The following RPS6KC1 variants were observed in gnomAD, a reference collection of about 807,000 sequenced individuals.
The protein encoded by RPS6KC1 is inactive ribosomal protein S6 kinase delta-1.
A neutral mutation model predicts 103.8 loss-of-function variants in RPS6KC1; 54 were observed. That is an observed-to-expected ratio of 0.52 (90% CI 0.42 to 0.65). The LOEUF is 0.65. RPS6KC1 is among the 30% of genes least tolerant of loss of function. RPS6KC1 has a pLI of 0.00. For missense variants in RPS6KC1, 1,151 were observed against 1,253.8 expected (o/e 0.92, Z 1.24); for synonymous variants, 439 against 438.7 (o/e 1.00, Z -0.01).
At chr1:213,727,673 C>T in the RPS6KC1 span, among the ~76,000 whole-genome samples, 1 of 151,768 alleles carries the variant, frequency 6.6e-6, no homozygotes. Flanking sequence ...GGGAGGGGAC[C>T]AGGCCAGAAA....
chr1:213,072,858 C>G (rs1416815916), intron 2 of RPS6KC1: 2 of 722,296 alleles, frequency 2.8e-6, no homozygotes, highest in Non-Finnish European at 1.7e-6. Context: ...GCTTGATGTT[C>G]CCATTTTCCA....
At chr1:213,631,492 A>AT in the RPS6KC1 span, among the ~76,000 whole-genome samples, 2 of 152,114 alleles carry the variant, frequency 1.3e-5, no homozygotes, top group East Asian at 1.9e-4. Flanking sequence ...GATGTTTACA[A>AT]TTTTTTGTGA....
At chr1:213,660,053 G>GGT in the RPS6KC1 span, among the ~76,000 whole-genome samples, 1 of 152,206 alleles carries the variant, frequency 6.6e-6, no homozygotes. Context: ...AGCTGTCTCA[G>GGT]GTGTGGTGGC....
At chr1:213,279,691 G>T (rs1335208738), downstream of RPS6KC1, among the ~76,000 whole-genome samples, 1 of 152,126 alleles carries the variant, frequency 6.6e-6, no homozygotes, top group African/African-American at 2.4e-5. Context: ...TTAGCTCAGT[G>T]GTTCTCAAAA....
At chr1:213,156,647 G>T (rs74140568) in intron 6 of RPS6KC1, among the ~76,000 whole-genome samples, 1 of 152,118 alleles carries the variant, frequency 6.6e-6, no homozygotes, top group African/African-American at 2.4e-5. Context: ...ATCAGATTTC[G>T]TGTTGAAAAC....
chr1:213,121,763 GT>G (rs2148932494), intron 5 of RPS6KC1, among the ~76,000 whole-genome samples: 1 of 152,238 alleles, frequency 6.6e-6, no homozygotes, highest in African/African-American at 2.4e-5. Context: ...TCACTTTTCA[GT>G]TTGGGGAGGG....
At chr1:213,631,157 C>G in the RPS6KC1 span, among the ~76,000 whole-genome samples, 1 of 152,172 alleles carries the variant, frequency 6.6e-6, no homozygotes, top group South Asian at 2.1e-4. Flanking sequence ...TCTTGCACTT[C>G]CCTGGTGAGG....
chr1:213,132,691 C>T (rs962443219), intron 6 of RPS6KC1, among the ~76,000 whole-genome samples: 8 of 152,150 alleles, frequency 5.3e-5, no homozygotes, highest in Non-Finnish European at 8.8e-5. Context: ...GCCAGTAAAA[C>T]GTATGAATCA....
the RPS6KC1 span, among the ~76,000 whole-genome samples, chr1:213,595,722 T>G: frequency 3.0e-3 from 460 of 152,372 alleles, 11 homozygotes; most frequent in East Asian, 0.061. Context: ...GGAATCATAG[T>G]GAAGCTAGTG....
chr1:213,709,788 T>G, the RPS6KC1 span, among the ~76,000 whole-genome samples: 1 of 152,242 alleles, frequency 6.6e-6, no homozygotes, highest in Admixed American at 6.5e-5. Flanking sequence ...CCAGTAGTCA[T>G]TCAGGAGCCG....
chr1:213,299,428 TGTAATCC>T, the RPS6KC1 span, among the ~76,000 whole-genome samples: 3 of 151,780 alleles, frequency 2.0e-5, no homozygotes, highest in African/African-American at 7.3e-5. Flanking sequence ...GGTGCACACC[TGTAATCC>T]CAGCTACTTG....
the RPS6KC1 span, among the ~76,000 whole-genome samples, chr1:213,737,686 T>A: frequency 6.6e-6 from 1 of 152,198 alleles, no homozygotes; most frequent in Admixed American, 6.5e-5. Flanking sequence ...GGTTTCAGAC[T>A]GCATAAGGGA....
chr1:213,057,392 A>G (rs2077422955), intron 1 of RPS6KC1, among the ~76,000 whole-genome samples: 1 of 152,212 alleles, frequency 6.6e-6, no homozygotes, highest in South Asian at 2.1e-4. Context: ...ATTCTTTTGT[A>G]TAATTCTTTG....
rs778702495 is a variant in RPS6KC1, at chr1:213,117,423, A to C, written c.472+13A>C. 2 of 1,529,498 alleles carry C rather than the reference A, an allele frequency of 1.3e-6. No homozygotes were observed. The highest frequency in any genetic ancestry group is 1.8e-6 in the Non-Finnish European group (2 of 1,110,132). 94.7% of individuals were successfully genotyped at this position (1,529,498 alleles called of 1,614,324 possible). On this transcript the variant is annotated intron_variant, in intron 5 of 14. Coordinates refer to ENST00000366960, the MANE Select transcript of RPS6KC1 (RefSeq NM_012424.6). ...TGTAGTACGGAAGGTAAGAGATTTT[A>C]ATTTTTTTGCATTTCAAAGGTTTGG...
chr1:213,395,521 A>G, the RPS6KC1 span, among the ~76,000 whole-genome samples: 1 of 152,178 alleles, frequency 6.6e-6, no homozygotes, highest in African/African-American at 2.4e-5. Flanking sequence ...TTATGGTATA[A>G]GAAACTGGGC....
chr1:213,349,516 C>T, the RPS6KC1 span, among the ~76,000 whole-genome samples: 4 of 152,164 alleles, frequency 2.6e-5, no homozygotes, highest in African/African-American at 9.7e-5. Context: ...CACTTTGCAG[C>T]TTACTATAGT....
chr1:213,252,287 C>T (rs2094559630), intron 12 of RPS6KC1, among the ~76,000 whole-genome samples: 1 of 152,154 alleles, frequency 6.6e-6, no homozygotes. Context: ...TGTTTCTGTG[C>T]CCTAGCTGAC....
intron 6 of RPS6KC1, among the ~76,000 whole-genome samples, chr1:213,137,799 A>AT (rs869154560): frequency 1.1e-3 from 16 of 13,996 alleles, no homozygotes; most frequent in East Asian, 2.3e-3. Flanking sequence ...ATATATATAT[A>AT]TTTTTTTTTT....
chr1:213,828,161 A>G, the RPS6KC1 span, among the ~76,000 whole-genome samples: 1 of 152,178 alleles, frequency 6.6e-6, no homozygotes, highest in African/African-American at 2.4e-5. Context: ...TAGACAGGGA[A>G]CTGAAAGCCA....
Sources: gnomAD v4.1 joint callset for allele counts (sites outside exome capture counted in the v4.1 genomes callset) on GRCh38, gnomAD v4.1.1 for gene constraint, MANE v1.5 for transcripts, NCBI Gene and HGNC (gene_info 2026-07-23, HGNC 2026-07-21) for gene names.